The following GOLIM4 variants were observed in gnomAD, a reference collection of about 807,000 sequenced individuals.
GOLIM4 encodes the protein 130 kDa golgi-localized phosphoprotein.
Under a neutral mutation model 107.4 loss-of-function variants are expected in GOLIM4, and 71 were observed. That is an observed-to-expected ratio of 0.66 (90% CI 0.55 to 0.81). The LOEUF (loss-of-function observed/expected upper bound fraction) is 0.81. Among genes scored for constraint, GOLIM4 ranks in the 30% least tolerant of loss-of-function variants. The pLI is 0.00. For missense variants in GOLIM4, 830 were observed against 826.1 expected (o/e 1.00, Z -0.06); for synonymous variants, 327 against 294.8 (o/e 1.11, Z -1.12).
chr3:168,080,591 A>G (rs1415320108), intron 1 of GOLIM4, among the ~76,000 whole-genome samples: 1 of 151,416 alleles, frequency 6.6e-6, no homozygotes, highest in Non-Finnish European at 1.5e-5. Context: ...GTTAGTCAAG[A>G]TAAAGAATTT....
Position 168,010,215 on chromosome 3 carries a change from T to C in GOLIM4, c.*54A>G, listed in dbSNP as rs1194448175. On this transcript the variant is annotated 3_prime_UTR_variant, in exon 16 of 16. Transcript: ENST00000470487. ...AGAGTTCAGTAGGCAGATTTATGTT[T>C]GAGCAGCTTGAAAAGAATCCGTTGG... 2 of 1,522,890 alleles carry C rather than the reference T, an allele frequency of 1.3e-6. No homozygotes were observed. The highest frequency in any genetic ancestry group is 2.0e-5 in the Admixed American group (1 of 50,216). 94.3% of individuals were successfully genotyped at this position (1,522,890 alleles called of 1,614,324 possible). A position where few individuals can be genotyped will look rare whatever the true frequency, so the allele number is the denominator to read the frequency against.
chr3:168,056,779 C>A lies in GOLIM4; in HGVS notation c.188-8414G>T, dbSNP rs114344664. 4.6e-3 allele frequency among the ~76,000 whole-genome samples: 695 copies of A among 152,300 alleles called. 2 individuals carry two copies. Among genetic ancestry groups the A allele is most frequent in the Non-Finnish European group, 7.4e-3 (501 of 68,018 alleles). On this transcript the variant is annotated intron_variant, in intron 1 of 15. Transcript: ENST00000470487. The stretch of plus-strand genomic sequence containing the variant: ...TGACTGTATTTACTCAATGCTTGTA[C>A]CCTCATTGTATCTAGGAAGTAATTA...
At chr3:168,069,816 A>C (rs984894367) in intron 1 of GOLIM4, among the ~76,000 whole-genome samples, 1 of 152,248 alleles carries the variant, frequency 6.6e-6, no homozygotes, top group African/African-American at 2.4e-5. Flanking sequence ...ATTTCCTTAA[A>C]GGAAATCTTA....
intron 1 of GOLIM4, among the ~76,000 whole-genome samples, chr3:168,057,186 G>A (rs943474329): frequency 5.9e-5 from 9 of 152,216 alleles, no homozygotes; most frequent in Non-Finnish European, 1.2e-4. Flanking sequence ...TGCCATGTGA[G>A]ACATGCCTTT....
intron 1 of GOLIM4, among the ~76,000 whole-genome samples, chr3:168,068,295 G>A (rs1446532199): frequency 2.0e-5 from 3 of 151,870 alleles, no homozygotes; most frequent in East Asian, 1.9e-4. Context: ...CTATTGTGAC[G>A]AAAATAACTG....
intron 14 of GOLIM4, among the ~76,000 whole-genome samples, chr3:168,015,396 C>T (rs1717305538): frequency 6.9e-6 from 1 of 145,628 alleles, no homozygotes; most frequent in East Asian, 2.0e-4. Flanking sequence ...AAAGAGGATA[C>T]AAACAAATGG....
intron 14 of GOLIM4, among the ~76,000 whole-genome samples, chr3:168,023,629 T>G (rs756168842): frequency 6.6e-6 from 1 of 152,156 alleles, no homozygotes; most frequent in Non-Finnish European, 1.5e-5. Flanking sequence ...CCCATAGGGA[T>G]AAAACCACAC....
rs1210937295 is a variant in GOLIM4 at position 168,035,053 on chromosome 3, AC to A, written c.843+1782del. 1.5e-3 allele frequency among the ~76,000 whole-genome samples: 230 copies of A among 151,570 alleles called. 2 individuals carry two copies. Among genetic ancestry groups the A allele is most frequent in the African/African-American group, 5.3e-3 (219 of 40,992 alleles). On this transcript the variant is annotated intron_variant, in intron 8 of 15. Transcript: ENST00000470487. The stretch of plus-strand genomic sequence containing the variant: ...ACAATCATACAAAAAAAAAAAAAAA[AC>A]AACTCAGCATCACTGATCATTAGAG...
At position 168,032,770 on chromosome 3, in the gene GOLIM4, T is replaced by G; in HGVS notation, c.926A>C (p.His309Pro). ...GGGAGCCTGAAATTCTGCCTCCTTA[T>G]GGGTGGGAGCATAGAGTTTTGTGTC... is the stretch of plus-strand genomic sequence containing the variant. ...AEDTKLYAPT[H>P]KEAEFQAPPE... The change falls in exon 9 of 16, where the codon CAT becomes CCT. Residue 309 changes from histidine (H) to proline (P), a missense_variant. Coordinates refer to ENST00000470487, the MANE Select transcript of GOLIM4 (RefSeq NM_014498.5). The G allele has an allele frequency of 6.2e-7, 1 of 1,614,042 alleles. No homozygotes were observed. The highest frequency in any genetic ancestry group is 1.3e-5 in the African/African-American group (1 of 75,026).
chr3:168,026,444 AAG>A (rs1718001061), intron 12 of GOLIM4, among the ~76,000 whole-genome samples: 1 of 152,220 alleles, frequency 6.6e-6, no homozygotes, highest in Non-Finnish European at 1.5e-5. Flanking sequence ...ATAAAACAGA[AAG>A]AGAGGAACAA....
rs1307268426 is a variant in GOLIM4, at chr3:168,029,229, C to T, written c.1507G>A (p.Glu503Lys). ...GAEDQGIQGE[E>K]GAYERDNQHQ... ...ATCTAGGAAGTCTCACCACCTCCTT[C>T]CTCTCCTTGGATTCCCTGGTCCTCT... Residue 503 changes from glutamate (E) to lysine (K), a missense_variant, in exon 11 of 16, where the codon GAA becomes AAA. Glu to Lys is a moderately conservative substitution (Grantham distance 56). Transcript: ENST00000470487. 1 of 1,596,544 alleles carries T rather than the reference C, an allele frequency of 6.3e-7. No individual in the cohort carries two copies. The highest frequency in any genetic ancestry group is 8.6e-7 in the Non-Finnish European group (1 of 1,165,150).
At chr3:168,016,736 T>C (rs1231910191) in intron 14 of GOLIM4, among the ~76,000 whole-genome samples, 3 of 135,940 alleles carry the variant, frequency 2.2e-5, no homozygotes, top group Non-Finnish European at 4.4e-5. Context: ...GTTCATGTCC[T>C]TTGTAGGGAC....
chr3:168,027,688 T>G, intron 12 of GOLIM4, 40 bp downstream of exon 12: 4 of 1,174,944 alleles, frequency 3.4e-6, no homozygotes, highest in Non-Finnish European at 3.8e-6. Context: ...TCCCACCTTA[T>G]GAGTTTACAT....
At position 168,032,735 on chromosome 3, in the gene GOLIM4, T is replaced by C. The variant is rs941486594; in HGVS notation, c.961A>G (p.Ile321Val). ...TCTCTGCGTTCCACTTCTTGTTGGA[T>C]TGGCTCTGGGGGAGCCTGAAATTCT... ...EAEFQAPPEP[I>V]QQEVERREPE... The change falls in exon 9 of 16, where the codon ATC becomes GTC. Residue 321 changes from isoleucine to valine, a missense_variant. By Grantham distance (29) the Ile-to-Val change is conservative. Transcript: ENST00000470487. 6.2e-7 allele frequency: 1 copy of C among 1,614,096 alleles called. No individual in the cohort carries two copies. The highest frequency in any genetic ancestry group is 1.7e-5 in the Admixed American group (1 of 60,010).
chr3:168,060,462 T>C (rs1047197302), intron 1 of GOLIM4, among the ~76,000 whole-genome samples: 2 of 152,106 alleles, frequency 1.3e-5, no homozygotes, highest in Non-Finnish European at 2.9e-5. Context: ...GGAAGGCCAA[T>C]GACATCATAG....
intron 7 of GOLIM4, 69 bp from the exon 8 acceptor site, chr3:168,037,063 C>CCTCT: frequency 2.8e-6 from 2 of 713,426 alleles, no homozygotes. Context: ...CATTTGGGTA[C>CCTCT]ACTGTAAAAC....
In GOLIM4 at chr3:168,027,920, A is replaced by C. The variant is rs566131140; in HGVS notation, c.1514-83T>G. 40 of 826,534 alleles carry C rather than the reference A, an allele frequency of 4.8e-5. No homozygotes were observed. In the East Asian group the frequency reaches 9.2e-4, roughly 19 times the overall value. The allele number at this position is 826,534 out of a possible 1,614,324, so 51.2% of individuals were successfully genotyped here. ...CAACTCAAAGAAAAGCCACCAGTGG[A>C]CTTTTCTACAGACTACAATACCTCC... is the stretch of plus-strand genomic sequence containing the variant. On this transcript the variant is annotated intron_variant, in intron 11 of 15. Transcript: ENST00000470487.
chr3:168,080,460 C>T (rs1225407543), intron 1 of GOLIM4, among the ~76,000 whole-genome samples: 1 of 152,122 alleles, frequency 6.6e-6, no homozygotes, highest in Non-Finnish European at 1.5e-5. Flanking sequence ...GATTCAGCTC[C>T]TCAGTCACAC....
chr3:168,009,430 C>CAAAAACAAAAA lies in GOLIM4; in HGVS notation c.*838_*839insTTTTTGTTTTT, dbSNP rs1716862234. On this transcript the variant is annotated 3_prime_UTR_variant, in exon 16 of 16. Coordinates refer to ENST00000470487, the MANE Select transcript of GOLIM4 (RefSeq NM_014498.5). ...AAGAATATCAATCAATGGCTTCAAA[C>CAAAAACAAAAA]AAAAAAAAAAAAAAAAAATTGAGAA... is the stretch of plus-strand genomic sequence containing the variant. 1 of 77,496 alleles carries CAAAAACAAAAA rather than the reference C, an allele frequency of 1.3e-5. No homozygotes were observed. Among genetic ancestry groups the CAAAAACAAAAA allele is most frequent in the Non-Finnish European group, 2.8e-5 (1 of 35,462 alleles). 4.8% of individuals were successfully genotyped at this position (77,496 alleles called of 1,614,324 possible).
Sources: gnomAD v4.1 joint callset for allele counts (sites outside exome capture counted in the v4.1 genomes callset) on GRCh38, gnomAD v4.1.1 for gene constraint, MANE v1.5 for transcripts, NCBI Gene and HGNC (gene_info 2026-07-23, HGNC 2026-07-21) for gene names.